The following CDKAL1 variants were observed in gnomAD, a reference collection of about 807,000 sequenced individuals.
CDKAL1 encodes CDKAL1 threonylcarbamoyladenosine tRNA methylthiotransferase.
Under a neutral mutation model 68.2 loss-of-function variants are expected in CDKAL1, and 32 were observed. The ratio of observed to expected loss-of-function variants is 0.47; its 90% confidence interval spans 0.35 to 0.63. The LOEUF (loss-of-function observed/expected upper bound fraction) is 0.63. Among genes scored for constraint, CDKAL1 ranks in the 30% least tolerant of loss-of-function variants. The pLI is 0.00. For missense variants in CDKAL1, 606 were observed against 696.7 expected (o/e 0.87, Z 1.47); for synonymous variants, 234 against 244.3 (o/e 0.96, Z 0.39).
intron 4 of CDKAL1, among the ~76,000 whole-genome samples, chr6:20,557,819 C>T (rs370582338): frequency 6.6e-6 from 1 of 152,224 alleles, no homozygotes; most frequent in Middle Eastern, 3.4e-3. Flanking sequence ...TCCAGCTACT[C>T]AGGAGGTTGA....
chr6:20,669,570 G>A (rs1769713703), intron 5 of CDKAL1, among the ~76,000 whole-genome samples: 1 of 152,014 alleles, frequency 6.6e-6, no homozygotes, highest in Admixed American at 6.6e-5. Context: ...TTATACTAAT[G>A]AGAATGGTAC....
chr6:20,581,933 G>T (rs1023338360), intron 4 of CDKAL1, among the ~76,000 whole-genome samples: 1 of 152,114 alleles, frequency 6.6e-6, no homozygotes, highest in African/African-American at 2.4e-5. Flanking sequence ...ATGCTGTCTT[G>T]TAGACCCTGG....
At chr6:20,790,288 A>G (rs1775843108) in intron 8 of CDKAL1, among the ~76,000 whole-genome samples, 1 of 152,144 alleles carries the variant, frequency 6.6e-6, no homozygotes, top group African/African-American at 2.4e-5. Flanking sequence ...ATGGAAAGTA[A>G]TATTTAGGCT....
intron 4 of CDKAL1, among the ~76,000 whole-genome samples, chr6:20,625,363 C>T (rs1176850986): frequency 1.3e-5 from 2 of 152,060 alleles, no homozygotes; most frequent in South Asian, 4.1e-4. Flanking sequence ...AGTCAATACG[C>T]ATCCATTTTG....
chr6:20,587,066 A>G (rs1765397575), intron 4 of CDKAL1, among the ~76,000 whole-genome samples: 1 of 132,830 alleles, frequency 7.5e-6, no homozygotes, highest in Admixed American at 9.3e-5. Flanking sequence ...GGCTCACTGC[A>G]TCCTCTACCT....
At chr6:20,981,393 G>A (rs1388171950) in intron 10 of CDKAL1, among the ~76,000 whole-genome samples, 1 of 152,094 alleles carries the variant, frequency 6.6e-6, no homozygotes, top group Non-Finnish European at 1.5e-5. Context: ...TATTTCATCT[G>A]GAATGCGTTC....
At chr6:20,669,303 A>T (rs1446425840) in intron 5 of CDKAL1, among the ~76,000 whole-genome samples, 1 of 152,172 alleles carries the variant, frequency 6.6e-6, no homozygotes, top group African/African-American at 2.4e-5. Context: ...CCACTTATTA[A>T]TTTGAATTTT....
chr6:21,129,643 T>C (rs888334174), intron 13 of CDKAL1, among the ~76,000 whole-genome samples: 1 of 147,646 alleles, frequency 6.8e-6, no homozygotes, highest in African/African-American at 2.5e-5. Flanking sequence ...ATAAACACTA[T>C]TGTCTTATAG....
At position 21,012,480 on chromosome 6, in the gene CDKAL1, G is replaced by T. The variant is rs1309798641; in HGVS notation, c.1055+12108G>T. Among the ~76,000 whole-genome samples the T allele has an allele frequency of 3.9e-5, 6 of 152,240 alleles. No individual in the cohort carries two copies. In the South Asian group the frequency reaches 1.2e-3, roughly 32 times the overall value. On this transcript the variant is annotated intron_variant, in intron 11 of 15. Coordinates refer to ENST00000274695, the MANE Select transcript of CDKAL1 (RefSeq NM_017774.3). Reference sequence around the variant, plus strand: ...GTCCTTTTCAGGAAGTCCAGGTGTGGCTTTCCATGGGCTGATGGATATAAG... The same window carrying T: ...GTCCTTTTCAGGAAGTCCAGGTGTGTCTTTCCATGGGCTGATGGATATAAG...
chr6:20,640,417 C>G lies in CDKAL1; in HGVS notation c.287-8876C>G, dbSNP rs2127750745. On this transcript the variant is annotated intron_variant, in intron 4 of 15. Transcript: ENST00000274695. ...CGTGCTGTCTCTTCTATAATGCCACCATTATGCAGAAGCCTGCAGGGGGAA... is the reference window on the plus strand; with the variant it reads ...CGTGCTGTCTCTTCTATAATGCCACGATTATGCAGAAGCCTGCAGGGGGAA... 2.0e-5 allele frequency among the ~76,000 whole-genome samples: 3 copies of G among 152,292 alleles called. No homozygotes were observed. The South Asian group carries it at 6.2e-4, about 32-fold the overall frequency.
intron 9 of CDKAL1, among the ~76,000 whole-genome samples, chr6:20,887,989 A>G (rs1761174655): frequency 6.6e-6 from 1 of 151,746 alleles, no homozygotes; most frequent in African/African-American, 2.4e-5. Context: ...TTTTTTTTAA[A>G]TTATACTTTA....
At chr6:21,122,134 C>G (rs1228251394) in intron 13 of CDKAL1, among the ~76,000 whole-genome samples, 1 of 152,148 alleles carries the variant, frequency 6.6e-6, no homozygotes, top group Non-Finnish European at 1.5e-5. Flanking sequence ...TTTATCCAAA[C>G]AAGAGTCAAA....
At chr6:20,587,286 C>T (rs541397956) in intron 4 of CDKAL1, among the ~76,000 whole-genome samples, 2 of 152,182 alleles carry the variant, frequency 1.3e-5, no homozygotes, top group Admixed American at 1.3e-4. Flanking sequence ...CACGCCTGGC[C>T]TCCTTCTTTT....
chr6:20,758,867 G>A (rs1256829626), intron 7 of CDKAL1, among the ~76,000 whole-genome samples: 4 of 152,156 alleles, frequency 2.6e-5, no homozygotes, highest in Non-Finnish European at 5.9e-5. Context: ...AAGAGCAATG[G>A]CTTACTCCTG....
chr6:21,007,345 C>T (rs1767780382), intron 11 of CDKAL1, among the ~76,000 whole-genome samples: 1 of 151,430 alleles, frequency 6.6e-6, no homozygotes, highest in African/African-American at 2.4e-5. Context: ...TGGGAGGATC[C>T]TGGGAGGCAC....
At chr6:20,824,428 G>A (rs1373530190) in intron 8 of CDKAL1, among the ~76,000 whole-genome samples, 1 of 152,150 alleles carries the variant, frequency 6.6e-6, no homozygotes, top group Non-Finnish European at 1.5e-5. Context: ...AAGAACTAGA[G>A]TCTTACCTGA....
intron 5 of CDKAL1, among the ~76,000 whole-genome samples, chr6:20,652,323 C>T (rs755873976): frequency 1.3e-5 from 2 of 152,170 alleles, no homozygotes; most frequent in African/African-American, 4.8e-5. Context: ...TGCCTCTTTT[C>T]CCTGCCCATT....
intron 10 of CDKAL1, among the ~76,000 whole-genome samples, chr6:20,967,861 G>C (rs537943955): frequency 6.6e-6 from 1 of 152,276 alleles, no homozygotes; most frequent in African/African-American, 2.4e-5. Context: ...TTTTTGAAGA[G>C]CAGCTTCTCT....
chr6:20,536,858 A>G (rs921267333), intron 2 of CDKAL1, among the ~76,000 whole-genome samples: 18 of 152,178 alleles, frequency 1.2e-4, no homozygotes, highest in Admixed American at 6.5e-5. Context: ...GTTCCCCATG[A>G]TGCTACTCCA....
Sources: allele counts gnomAD v4.1 joint callset (sites outside exome capture counted in the v4.1 genomes callset), GRCh38; gene constraint gnomAD v4.1.1; transcripts MANE v1.5; gene names NCBI Gene and HGNC (gene_info 2026-07-23, HGNC 2026-07-21).